The following PLEKHA7 variants were observed in gnomAD, a reference collection of about 807,000 sequenced individuals.
PLEKHA7 encodes pleckstrin homology domain-containing family A member 7.
A neutral mutation model predicts 170.0 loss-of-function variants in PLEKHA7; 104 were observed. The ratio of observed to expected loss-of-function variants is 0.61; its 90% CI spans 0.52 to 0.72. The LOEUF is 0.72. Ranked by LOEUF, PLEKHA7 falls within the 30% of genes least tolerant of loss-of-function variation. The pLI, the probability that PLEKHA7 is intolerant of heterozygous loss-of-function variation, is 0.00. For missense variants in PLEKHA7, 1,615 were observed against 1,671.7 expected (o/e 0.97, Z 0.59); for synonymous variants, 648 against 660.8 (o/e 0.98, Z 0.30).
At chr11:16,842,582 C>G (rs1285432023) in intron 8 of PLEKHA7, 4 of 115,856 alleles carry the variant, frequency 3.5e-5, no homozygotes, top group Non-Finnish European at 4.9e-5. Flanking sequence ...GGTGCTTTCA[C>G]ATGTATCCTT....
At chr11:16,889,426 T>A (rs867969102) in intron 3 of PLEKHA7, among the ~76,000 whole-genome samples, 4,338 of 82,660 alleles carry the variant, frequency 0.052, 94 homozygotes, top group Non-Finnish European at 0.067. Flanking sequence ...AAAAAATATA[T>A]ATATATATAT....
At chr11:16,901,812 G>A (rs1269553269) in intron 3 of PLEKHA7, among the ~76,000 whole-genome samples, 1 of 152,208 alleles carries the variant, frequency 6.6e-6, no homozygotes, top group Non-Finnish European at 1.5e-5. Context: ...GGAGGTTGCA[G>A]TGAGTGGAAA....
At chr11:16,822,044 C>T (rs1021585317) in intron 10 of PLEKHA7, among the ~76,000 whole-genome samples, 3 of 151,634 alleles carry the variant, frequency 2.0e-5, no homozygotes, top group African/African-American at 7.3e-5. Flanking sequence ...TCCCCACCCA[C>T]CTCTCATTTC....
In PLEKHA7 at chr11:16,906,305, T is replaced by TCCTCTCCCTCTCCCTCCTCTC. The variant is rs1565098515; in HGVS notation, c.222-35144_222-35124dup. Among the ~76,000 whole-genome samples the TCCTCTCCCTCTCCCTCCTCTC allele has an allele frequency of 2.2e-4, 31 of 138,856 alleles. 2 individuals are homozygous for TCCTCTCCCTCTCCCTCCTCTC. Among genetic ancestry groups the TCCTCTCCCTCTCCCTCCTCTC allele is most frequent in the Admixed American group, 5.7e-4 (8 of 13,936 alleles). 91.1% of individuals were successfully genotyped at this position (138,856 alleles called of 152,430 possible). On this transcript the variant is annotated intron_variant, in intron 3 of 26. Transcript: ENST00000531066. ...AAAGAAAGAAAATTGGAAAGGCTCC[T>TCCTCTCCCTCTCCCTCCTCTC]CCTCTCCCTCTCCCTCCTCTCACTC...
intron 6 of PLEKHA7, among the ~76,000 whole-genome samples, chr11:16,853,708 A>T (rs2135442449): frequency 6.6e-6 from 1 of 152,364 alleles, no homozygotes; most frequent in East Asian, 1.9e-4. Context: ...GACTCAAGTG[A>T]GAAAAAGACA....
At chr11:16,966,632 C>T (rs1229019712) in intron 3 of PLEKHA7, among the ~76,000 whole-genome samples, 4 of 152,002 alleles carry the variant, frequency 2.6e-5, no homozygotes, top group African/African-American at 4.8e-5. Flanking sequence ...CAGTAACACA[C>T]ACCACTCAGA....
chr11:16,833,631 T>C (rs778700048), intron 9 of PLEKHA7, among the ~76,000 whole-genome samples: 6 of 152,208 alleles, frequency 3.9e-5, no homozygotes, highest in Non-Finnish European at 8.8e-5. Context: ...CCCTACTGTG[T>C]GCTAGGAATC....
intron 4 of PLEKHA7, among the ~76,000 whole-genome samples, chr11:16,864,314 C>T (rs1166392796): frequency 6.6e-6 from 1 of 151,972 alleles, no homozygotes; most frequent in Admixed American, 6.6e-5. Context: ...TAGAAAAGTA[C>T]CTGCTAATAG....
At chr11:16,813,078 T>C (rs200862935) in intron 13 of PLEKHA7, 35 bp downstream of exon 13, 7 of 1,596,042 alleles carry the variant, frequency 4.4e-6, no homozygotes, top group Non-Finnish European at 6.0e-6. Flanking sequence ...GAAAGGTGAG[T>C]ATGCAAGGAA....
intron 3 of PLEKHA7, among the ~76,000 whole-genome samples, chr11:16,875,266 T>C (rs1460347747): frequency 1.3e-5 from 2 of 152,018 alleles, no homozygotes; most frequent in East Asian, 1.9e-4. Flanking sequence ...AACTACCCAA[T>C]GATGTAAGCA....
intron 9 of PLEKHA7, among the ~76,000 whole-genome samples, chr11:16,827,801 G>A (rs1161888900): frequency 6.7e-6 from 1 of 148,874 alleles, no homozygotes; most frequent in Non-Finnish European, 1.5e-5. Flanking sequence ...ACTTAGATGG[G>A]GCAGCTGGTT....
At position 16,906,937 on chromosome 11, in the gene PLEKHA7, G is replaced by T. The variant is rs543233347; in HGVS notation, c.222-35755C>A. Among the ~76,000 whole-genome samples the T allele has an allele frequency of 2.1e-3, 308 of 146,248 alleles. 4 individuals are homozygous for T. The highest frequency in any genetic ancestry group is 0.019 in the Admixed American group (282 of 14,788). ...ATGTGGGGAGCGCCTCTGCCCTGCCGCCCCGTCTGGGATGTGAGGAGCGTC... is the reference window on the plus strand; with the variant it reads ...ATGTGGGGAGCGCCTCTGCCCTGCCTCCCCGTCTGGGATGTGAGGAGCGTC... On this transcript the variant is annotated intron_variant, in intron 3 of 26. Coordinates refer to ENST00000531066, the MANE Select transcript of PLEKHA7 (RefSeq NM_001329630.2).
chr11:16,862,673 T>A (rs1369944491), intron 4 of PLEKHA7, among the ~76,000 whole-genome samples: 1 of 152,058 alleles, frequency 6.6e-6, no homozygotes, highest in African/African-American at 2.4e-5. Flanking sequence ...AATGACTGCA[T>A]CCCCAGTGCT....
intron 3 of PLEKHA7, among the ~76,000 whole-genome samples, chr11:16,938,461 T>C (rs1370661889): frequency 6.6e-6 from 1 of 152,206 alleles, no homozygotes; most frequent in African/African-American, 2.4e-5. Flanking sequence ...TTAGTGAACT[T>C]ACATTCTCAA....
rs76640086 is a variant in PLEKHA7 at position 16,940,214 on chromosome 11, C to G, written c.222-69032G>C. On this transcript the variant is annotated intron_variant, in intron 3 of 26. Transcript: ENST00000531066. ...CACAGTGGCTGGCACATAGTAGGTA[C>G]TCTGAAAAAATGGAAGAACTATTTT... Among the ~76,000 whole-genome samples, 985 of 151,312 alleles carry G rather than the reference C, an allele frequency of 6.5e-3. 8 individuals carry two copies. The highest frequency in any genetic ancestry group is 0.039 in the South Asian group (187 of 4,786).
At chr11:17,008,950 C>G (rs972259044) in intron 3 of PLEKHA7, among the ~76,000 whole-genome samples, 21 of 152,202 alleles carry the variant, frequency 1.4e-4, no homozygotes, top group Non-Finnish European at 2.2e-4. Flanking sequence ...TAATCAATGT[C>G]TTCAATTTCT....
intron 10 of PLEKHA7, among the ~76,000 whole-genome samples, chr11:16,825,777 G>A (rs147970626): frequency 2.6e-5 from 4 of 152,286 alleles, no homozygotes; most frequent in East Asian, 1.9e-4. Flanking sequence ...GGAAAAGATC[G>A]ATTATCATTT....
intron 26 of PLEKHA7, among the ~76,000 whole-genome samples, chr11:16,780,184 G>A (rs1848919683): frequency 6.6e-6 from 1 of 152,172 alleles, no homozygotes; most frequent in South Asian, 2.1e-4. Flanking sequence ...CCCTGTCCAG[G>A]TGAACCGCTG....
chr11:16,837,554 G>A (rs992522785), intron 9 of PLEKHA7, among the ~76,000 whole-genome samples: 5 of 152,102 alleles, frequency 3.3e-5, no homozygotes, highest in African/African-American at 9.7e-5. Context: ...AATGGAAGGC[G>A]GGGCACAAAT....
Sources: gnomAD v4.1 joint callset for allele counts (sites outside exome capture counted in the v4.1 genomes callset) on GRCh38, gnomAD v4.1.1 for gene constraint, MANE v1.5 for transcripts, NCBI Gene and HGNC (gene_info 2026-07-23, HGNC 2026-07-21) for gene names.